ACBD6: variants seen among roughly 807,000 people sequenced by gnomAD.
The protein encoded by ACBD6 is acyl-CoA-binding domain-containing protein 6.
ACBD6 carries 28 observed loss-of-function variants against 37.2 expected under a neutral mutation model. That is an observed-to-expected ratio of 0.75 (90% CI 0.56 to 1.03). The LOEUF (loss-of-function observed/expected upper bound fraction) is 1.03, where lower values mean the gene tolerates loss of function less well. Among genes scored for constraint, ACBD6 ranks in the 50% least tolerant of loss-of-function variants. The pLI, the probability that ACBD6 is intolerant of heterozygous loss-of-function variation, is 0.00. For synonymous variants in ACBD6, 113 were observed against 126.8 expected, an observed-to-expected ratio of 0.89 and a Z score of 0.73; for missense variants, 340 against 337.4, an observed-to-expected ratio of 1.01 and a Z score of -0.06.
chr1:180,430,705 T>TAA (rs11422663), intron 3 of ACBD6, among the ~76,000 whole-genome samples: 67 of 141,052 alleles, frequency 4.8e-4, no homozygotes, highest in Middle Eastern at 3.8e-3. Flanking sequence ...GTTTTTGGGT[T>TAA]AAAAAAAAAA....
intron 6 of ACBD6, among the ~76,000 whole-genome samples, chr1:180,382,434 T>TA (rs1388837993): frequency 6.6e-6 from 1 of 151,372 alleles, no homozygotes; most frequent in East Asian, 1.9e-4. Context: ...AATTACACAA[T>TA]AAAAAAACTA....
At chr1:180,274,906 T>C in exon 10 of ACBD6, 1 of 248,532 alleles carries the variant, frequency 4.0e-6, no homozygotes, top group East Asian at 7.7e-5. Context: ...AAGGTGACTG[T>C]GATAGGCCCC....
chr1:180,349,537 G>A (rs1465113730), intron 6 of ACBD6, among the ~76,000 whole-genome samples: 1 of 151,616 alleles, frequency 6.6e-6, no homozygotes, highest in Non-Finnish European at 1.5e-5. Flanking sequence ...TTACAGGCGT[G>A]AGCCACCGTG....
At chr1:180,330,653 T>G (rs2149300235) in intron 6 of ACBD6, among the ~76,000 whole-genome samples, 1 of 152,320 alleles carries the variant, frequency 6.6e-6, no homozygotes, top group South Asian at 2.1e-4. Context: ...GCAGTATTAC[T>G]GATTATTCAT....
In ACBD6 at chr1:180,271,395, G is replaced by A. The variant is rs769927908; in HGVS notation, c.*1830C>T. ...TTCCTTGCAGATGACTCAGAGGCTG[G>A]AGCTAAGCGGCCCCGGACCACCATC... On this transcript the variant is annotated 3_prime_UTR_variant, in exon 14 of 14. Transcript: ENST00000642319. The A allele has an allele frequency of 3.7e-6, 6 of 1,614,064 alleles. No individual in the cohort carries two copies. The highest frequency in any genetic ancestry group is 5.1e-6 in the Non-Finnish European group (6 of 1,180,042).
At chr1:180,380,791 G>C (rs1333764588) in intron 6 of ACBD6, among the ~76,000 whole-genome samples, 1 of 151,924 alleles carries the variant, frequency 6.6e-6, no homozygotes, top group Non-Finnish European at 1.5e-5. Flanking sequence ...TAAAAAATAA[G>C]AGAGAAATAA....
intron 1 of ACBD6, among the ~76,000 whole-genome samples, chr1:180,496,110 T>C (rs866557829): frequency 9.2e-5 from 14 of 152,302 alleles, no homozygotes; most frequent in African/African-American, 2.9e-4. Flanking sequence ...TTTTCTACAA[T>C]AGTCTTATCA....
Position 180,288,242 on chromosome 1 carries a change from A to G in ACBD6, c.*121T>C, listed in dbSNP as rs1649567291. On this transcript the variant is annotated 3_prime_UTR_variant, in exon 8 of 8. Transcript: ENST00000367595. ...TGAGACTTCAAAATCCCAGTTCCAC[A>G]GAACTGATTTTATTAGCCAATACAT... 2 of 1,386,098 alleles carry G rather than the reference A, an allele frequency of 1.4e-6. No homozygotes were observed. Among genetic ancestry groups the G allele is most frequent in the Non-Finnish European group, 2.0e-6 (2 of 998,784 alleles). 85.9% of individuals were successfully genotyped at this position (1,386,098 alleles called of 1,614,324 possible). A position where few individuals can be genotyped will look rare whatever the true frequency, so the allele number is the denominator to read the frequency against.
At chr1:180,281,477 G>C (rs1172301405) in intron 8 of ACBD6, 1 of 152,208 alleles carries the variant, frequency 6.6e-6, no homozygotes. Context: ...CATCTTGAGA[G>C]GTGATCCTCA....
intron 7 of ACBD6, among the ~76,000 whole-genome samples, chr1:180,290,270 C>A (rs1388697641): frequency 6.6e-6 from 1 of 152,080 alleles, no homozygotes. Context: ...CTCACTGCAG[C>A]CTTGACCTTC....
intron 6 of ACBD6, among the ~76,000 whole-genome samples, chr1:180,328,605 T>C (rs1284315365): frequency 6.6e-6 from 1 of 152,002 alleles, no homozygotes; most frequent in Non-Finnish European, 1.5e-5. Context: ...AAATATAAAT[T>C]TTATTTAAAA....
At chr1:180,288,612 A>C in intron 7 of ACBD6, 95 bp from the exon 8 acceptor site, 2 of 1,373,532 alleles carry the variant, frequency 1.5e-6, no homozygotes, top group African/African-American at 1.4e-5. Flanking sequence ...AGCAATAAGG[A>C]ATACTGAACA....
At chr1:180,449,715 A>G (rs1291711678) in intron 3 of ACBD6, among the ~76,000 whole-genome samples, 1 of 151,952 alleles carries the variant, frequency 6.6e-6, no homozygotes, top group Non-Finnish European at 1.5e-5. Context: ...TTGAACAATG[A>G]TAACACTTGG....
chr1:180,418,622 A>T (rs1285401362), intron 4 of ACBD6, among the ~76,000 whole-genome samples: 1 of 152,174 alleles, frequency 6.6e-6, no homozygotes, highest in African/African-American at 2.4e-5. Flanking sequence ...AAATAGGTAA[A>T]ATCAAATCCT....
intron 5 of ACBD6, among the ~76,000 whole-genome samples, chr1:180,401,312 G>C (rs1210208618): frequency 1.3e-5 from 2 of 152,196 alleles, no homozygotes; most frequent in Non-Finnish European, 2.9e-5. Context: ...TGCTTTGAAA[G>C]TGCAGGGTAG....
intron 8 of ACBD6, among the ~76,000 whole-genome samples, chr1:180,283,218 C>T (rs897364503): frequency 1.8e-4 from 27 of 152,092 alleles, no homozygotes; most frequent in Non-Finnish European, 4.4e-5. Flanking sequence ...GAGATTGCTA[C>T]GCAAGTGAGA....
chr1:180,282,403 A>G (rs1220999161), intron 8 of ACBD6, among the ~76,000 whole-genome samples: 2 of 152,190 alleles, frequency 1.3e-5, no homozygotes, highest in African/African-American at 4.8e-5. Context: ...CAGTTAAAAA[A>G]AAAGAGCAAG....
At chr1:180,308,629 C>T (rs1650477537) in intron 7 of ACBD6, among the ~76,000 whole-genome samples, 1 of 152,202 alleles carries the variant, frequency 6.6e-6, no homozygotes, top group African/African-American at 2.4e-5. Flanking sequence ...CCTTTGCCTC[C>T]TCTTTTAAAC....
intron 3 of ACBD6, among the ~76,000 whole-genome samples, chr1:180,452,687 AAG>A (rs1649758563): frequency 3.0e-3 from 2 of 668 alleles, no homozygotes; most frequent in South Asian, 0.1. Flanking sequence ...TAAAGAAGAA[AAG>A]AGAGAAGATT....
Sources: allele counts gnomAD v4.1 joint callset (sites outside exome capture counted in the v4.1 genomes callset), GRCh38; gene constraint gnomAD v4.1.1; transcripts MANE v1.5; gene names NCBI Gene and HGNC (gene_info 2026-07-23, HGNC 2026-07-21).